THSD7B: variants seen among roughly 807,000 people sequenced by gnomAD.
THSD7B encodes thrombospondin type 1 domain containing 7B.
Under a neutral mutation model 213.6 loss-of-function variants are expected in THSD7B, and 138 were observed. The ratio of observed to expected loss-of-function variants is 0.65; its 90% CI spans 0.56 to 0.74. The LOEUF (loss-of-function observed/expected upper bound fraction) is 0.74. THSD7B is among the 30% of genes least tolerant of loss of function. THSD7B has a pLI of 0.00. For synonymous variants in THSD7B, 742 were observed against 687.0 expected, an observed-to-expected ratio of 1.08 and a Z score of -1.25; for missense variants, 1,931 against 1,991.5, an observed-to-expected ratio of 0.97 and a Z score of 0.58.
intron 2 of THSD7B, among the ~76,000 whole-genome samples, chr2:136,893,222 A>G (rs1392259537): frequency 6.6e-6 from 1 of 152,152 alleles, no homozygotes; most frequent in African/African-American, 2.4e-5. Flanking sequence ...GTCTATAATA[A>G]CTGGCCACTA....
chr2:137,556,900 T>G (rs878999873), intron 15 of THSD7B, among the ~76,000 whole-genome samples: 7 of 152,138 alleles, frequency 4.6e-5, no homozygotes, highest in East Asian at 1.9e-4. Flanking sequence ...TCCTAGTCTC[T>G]GATAAAACAG....
intron 12 of THSD7B, among the ~76,000 whole-genome samples, chr2:137,332,042 G>C (rs1419977713): frequency 6.6e-6 from 1 of 152,186 alleles, no homozygotes; most frequent in Non-Finnish European, 1.5e-5. Flanking sequence ...GGCCAGCCCA[G>C]AAAGGGGCTC....
intron 2 of THSD7B, among the ~76,000 whole-genome samples, chr2:136,920,430 G>GCT (rs1441678170): frequency 1.3e-5 from 2 of 152,196 alleles, no homozygotes; most frequent in Non-Finnish European, 2.9e-5. Flanking sequence ...CTTTCTGTAG[G>GCT]CAGGTCATCT....
At chr2:136,776,313 A>G (rs371909940) in intron 1 of THSD7B, among the ~76,000 whole-genome samples, 27 of 152,182 alleles carry the variant, frequency 1.8e-4, no homozygotes, top group African/African-American at 6.3e-4. Context: ...CTTTAATAAC[A>G]TCTTATTTCA....
At chr2:136,992,500 G>A (rs900278709) in intron 2 of THSD7B, among the ~76,000 whole-genome samples, 1 of 152,180 alleles carries the variant, frequency 6.6e-6, no homozygotes, top group Non-Finnish European at 1.5e-5. Flanking sequence ...AAAAGCCTAT[G>A]GGGGATGGAG....
chr2:137,267,801 T>C (rs919874112), intron 10 of THSD7B, among the ~76,000 whole-genome samples: 1 of 152,220 alleles, frequency 6.6e-6, no homozygotes, highest in Non-Finnish European at 1.5e-5. Context: ...ATTTAATATG[T>C]TTTACACACA....
intron 14 of THSD7B, among the ~76,000 whole-genome samples, chr2:137,413,641 G>A (rs913413972): frequency 2.6e-5 from 4 of 152,174 alleles, no homozygotes; most frequent in Non-Finnish European, 4.4e-5. Flanking sequence ...TGGATAAAAC[G>A]AAAACCCTGT....
At chr2:137,184,061 G>A (rs1421882504) in intron 7 of THSD7B, among the ~76,000 whole-genome samples, 3 of 152,056 alleles carry the variant, frequency 2.0e-5, no homozygotes, top group Non-Finnish European at 4.4e-5. Flanking sequence ...GGCATTGGTG[G>A]TTCTCACAGT....
At chr2:137,207,965 A>G (rs1417651847) in intron 7 of THSD7B, among the ~76,000 whole-genome samples, 1 of 152,006 alleles carries the variant, frequency 6.6e-6, no homozygotes, top group Admixed American at 6.6e-5. Context: ...TGCCAAGTGG[A>G]AGTGTTCCCA....
chr2:137,610,055 G>A (rs1429694165), intron 17 of THSD7B, among the ~76,000 whole-genome samples: 1 of 152,146 alleles, frequency 6.6e-6, no homozygotes, highest in Admixed American at 6.5e-5. Flanking sequence ...AGAAGAGGAT[G>A]CTGGGGATGG....
rs140158775 is a variant in THSD7B, at chr2:137,032,134, C to G, written c.140-24286C>G. The stretch of plus-strand genomic sequence containing the variant: ...GAGATTACAGGAGTGAGCCACCACA[C>G]CCAACCCATGGCATGCTTTTCAATG... On this transcript the variant is annotated intron_variant, in intron 2 of 27. Transcript: ENST00000409968. 2.6e-5 allele frequency among the ~76,000 whole-genome samples: 4 copies of G among 151,866 alleles called. No individual in the cohort carries two copies. In the East Asian group the frequency reaches 7.8e-4, roughly 30 times the overall value.
At chr2:137,356,029 T>G (rs2104927438) in intron 12 of THSD7B, among the ~76,000 whole-genome samples, 1 of 152,270 alleles carries the variant, frequency 6.6e-6, no homozygotes, top group East Asian at 1.9e-4. Flanking sequence ...GGCTTCTCAC[T>G]GACACAGGGA....
intron 5 of THSD7B, among the ~76,000 whole-genome samples, chr2:137,158,416 C>G (rs532034543): frequency 6.6e-6 from 1 of 152,324 alleles, no homozygotes; most frequent in African/African-American, 2.4e-5. Flanking sequence ...CCTGTTCTCT[C>G]TTCCTTTCTC....
chr2:137,337,014 G>GT (rs949566386), intron 12 of THSD7B, among the ~76,000 whole-genome samples: 99 of 151,610 alleles, frequency 6.5e-4, no homozygotes, highest in African/African-American at 2.0e-3. Flanking sequence ...ACCTTTCCCT[G>GT]TTGTTAACAT....
rs553602499 is a variant in THSD7B at position 137,032,092 on chromosome 2, C to T, written c.140-24328C>T. ...CTAAGCTCAAGAGATCCACCTACCT[C>T]GGCCTCCCAAAATGCTGAGATTACA... On this transcript the variant is annotated intron_variant, in intron 2 of 27. Transcript: ENST00000409968. Among the ~76,000 whole-genome samples the T allele has an allele frequency of 4.6e-5, 7 of 151,978 alleles. No individual in the cohort carries two copies. The East Asian group carries it at 5.8e-4, about 13-fold the overall frequency.
chr2:137,005,334 A>C (rs1419252375), intron 2 of THSD7B, among the ~76,000 whole-genome samples: 1 of 152,226 alleles, frequency 6.6e-6, no homozygotes, highest in Non-Finnish European at 1.5e-5. Context: ...TTCCCTAAAG[A>C]AAAGAAAAGT....
rs762458222 is a variant in THSD7B at position 137,170,937 on chromosome 2, C to T, written c.1722C>T (p.Arg574=). The T allele has an allele frequency of 1.9e-5, 31 of 1,611,820 alleles. No individual in the cohort carries two copies. The highest frequency in any genetic ancestry group is 6.7e-5 in the East Asian group (3 of 44,770). Residue 574 remains arginine (R), a splice_region_variant and synonymous_variant, in exon 7 of 28, where the codon CGC becomes CGT. Transcript: ENST00000409968. ...RILKAVCQND[R]GEDVSGSLCP... is the part of the protein sequence containing the mutation. ...TGAAGGCCGTCTGCCAGAATGACCG[C>T]GGTATGACCCAGTGACCCACTAGAG...
intron 12 of THSD7B, among the ~76,000 whole-genome samples, chr2:137,309,385 T>C (rs77601259): frequency 0.075 from 11,404 of 151,914 alleles, 629 homozygotes; most frequent in African/African-American, 0.13. Context: ...AGCCTTTTTG[T>C]CACATATTTT....
chr2:136,833,445 T>TTTTTA lies in THSD7B; in HGVS notation c.-35-48697_-35-48696insTTATT, dbSNP rs545765849. ...TTGATTATTTTCTATTTTTTTTTTTTTTGCAATTAACTGTTTGGTACTTTT... is the reference window on the plus strand; with the variant it reads ...TTGATTATTTTCTATTTTTTTTTTTTTTTTATTGCAATTAACTGTTTGGTACTTTT... On this transcript the variant is annotated intron_variant, in intron 1 of 27. Transcript: ENST00000409968. 2.1e-4 allele frequency among the ~76,000 whole-genome samples: 32 copies of TTTTTA among 149,776 alleles called. 2 individuals are homozygous for TTTTTA. Among genetic ancestry groups the TTTTTA allele is most frequent in the Admixed American group, 2.1e-3 (32 of 15,080 alleles).
Sources: allele counts gnomAD v4.1 joint callset (sites outside exome capture counted in the v4.1 genomes callset), GRCh38; gene constraint gnomAD v4.1.1; transcripts MANE v1.5; gene names NCBI Gene and HGNC (gene_info 2026-07-23, HGNC 2026-07-21).